The following CD300E variants were observed in gnomAD, a reference collection of about 807,000 sequenced individuals.
CD300E encodes the protein CMRF35-like molecule 2.
CD300E carries 14 observed loss-of-function variants against 20.9 expected under a neutral mutation model. The observed-to-expected ratio is 0.67, with a 90% CI of 0.44 to 1.05. CD300E has a LOEUF of 1.05. CD300E is among the 50% of genes least tolerant of loss of function. The pLI is 0.00. For synonymous variants in CD300E, 102 were observed against 103.7 expected, an observed-to-expected ratio of 0.98 and a Z score of 0.10; for missense variants, 237 against 253.9, an observed-to-expected ratio of 0.93 and a Z score of 0.45.
chr17:74,610,475 C>T lies in CD300E; in HGVS notation c.*2178G>A, dbSNP rs2030753096. 2.0e-5 allele frequency: 3 copies of T among 152,282 alleles called. No individual in the cohort carries two copies. Among genetic ancestry groups the T allele is most frequent in the Non-Finnish European group, 4.4e-5 (3 of 68,078 alleles). The allele number at this position is 152,282 out of a possible 1,614,324, so 9.4% of individuals were successfully genotyped here. A position where few individuals can be genotyped will look rare whatever the true frequency, so the allele number is the denominator to read the frequency against. ...CAAACACACAGAAAACTAAGCTCTG[C>T]ATCATCCAAGCCTGCTCTTGACTTT... is the stretch of plus-strand genomic sequence containing the variant. On this transcript the variant is annotated 3_prime_UTR_variant, in exon 4 of 4. Coordinates refer to ENST00000392619, the MANE Select transcript of CD300E (RefSeq NM_181449.3).
At chr17:74,618,414 G>A (rs1402386591) in intron 1 of CD300E, among the ~76,000 whole-genome samples, 1 of 152,160 alleles carries the variant, frequency 6.6e-6, no homozygotes, top group Non-Finnish European at 1.5e-5. Flanking sequence ...CCCCCTCAGA[G>A]TAACCTGAGT....
At position 74,623,689 on chromosome 17, in the gene CD300E, G is replaced by T. The variant is rs757854780; in HGVS notation, c.-68C>A. On this transcript the variant is annotated 5_prime_UTR_variant, in exon 1 of 4. Transcript: ENST00000392619. ...CAGCTGGAATCCAAGTATATGTAAC[G>T]GAGCCTGGGTCATCCACTTTCTACT... is the stretch of plus-strand genomic sequence containing the variant. 3.3e-6 allele frequency: 5 copies of T among 1,529,140 alleles called. No individual in the cohort carries two copies. Among genetic ancestry groups the T allele is most frequent in the African/African-American group, 1.4e-5 (1 of 73,180 alleles). 94.7% of individuals were successfully genotyped at this position (1,529,140 alleles called of 1,614,324 possible).
intron 1 of CD300E, among the ~76,000 whole-genome samples, chr17:74,621,416 G>T (rs2031019406): frequency 6.6e-6 from 1 of 152,142 alleles, no homozygotes; most frequent in African/African-American, 2.4e-5. Flanking sequence ...CTAATTCTGG[G>T]CACCTGAAGT....
Position 74,612,774 on chromosome 17 carries a change from C to G in CD300E, c.498-1G>C, listed in dbSNP as rs1351259836. On this transcript the variant is annotated splice_acceptor_variant, in intron 3 of 3. Coordinates refer to ENST00000392619, the MANE Select transcript of CD300E (RefSeq NM_181449.3). LOFTEE classifies it high-confidence loss of function. Reference sequence around the variant, plus strand: ...GAAGTGAGGGCTGCTGAGCCGGAACCTGTGGTGGACACGGTGAAAATGAGT... The same window carrying G: ...GAAGTGAGGGCTGCTGAGCCGGAACGTGTGGTGGACACGGTGAAAATGAGT... 1 of 1,613,662 alleles carries G rather than the reference C, an allele frequency of 6.2e-7. No individual in the cohort carries two copies. Among genetic ancestry groups the G allele is most frequent in the Non-Finnish European group, 8.5e-7 (1 of 1,179,938 alleles).
chr17:74,613,899 A>AT (rs1568033382), intron 3 of CD300E, 26 bp downstream of exon 3: 1 of 1,562,242 alleles, frequency 6.4e-7, no homozygotes. Flanking sequence ...TGCTCCCTCC[A>AT]TGGCCTCCAG....
Position 74,612,357 on chromosome 17 carries a change from C to A in CD300E, c.*296G>T. Reference sequence around the variant, plus strand: ...GATCCTCCTGCCTCAGCCTCCTGAGCTGGGATTATAGGCACTCGCTATGGT... The same window carrying A: ...GATCCTCCTGCCTCAGCCTCCTGAGATGGGATTATAGGCACTCGCTATGGT... On this transcript the variant is annotated 3_prime_UTR_variant, in exon 4 of 4. Transcript: ENST00000392619. 1 of 231,754 alleles carries A rather than the reference C, an allele frequency of 4.3e-6. No homozygotes were observed. The allele number at this position is 231,754 out of a possible 1,614,324, so 14.4% of individuals were successfully genotyped here. A position where few individuals can be genotyped will look rare whatever the true frequency, so the allele number is the denominator to read the frequency against.
chr17:74,610,126 A>T lies in CD300E; in HGVS notation c.*2527T>A, dbSNP rs990782696. ...AACTTCATTAGTGACCTTGTGAATGATAAGTTCAATAGCCTCCTCTCAATC... is the reference window on the plus strand; with the variant it reads ...AACTTCATTAGTGACCTTGTGAATGTTAAGTTCAATAGCCTCCTCTCAATC... On this transcript the variant is annotated 3_prime_UTR_variant, in exon 4 of 4. Transcript: ENST00000392619. 3.3e-5 allele frequency: 5 copies of T among 152,270 alleles called. No homozygotes were observed. Among genetic ancestry groups the T allele is most frequent in the Non-Finnish European group, 7.3e-5 (5 of 68,054 alleles). The allele number at this position is 152,270 out of a possible 1,614,324, so 9.4% of individuals were successfully genotyped here. A position where few individuals can be genotyped will look rare whatever the true frequency, so the allele number is the denominator to read the frequency against.
rs1255684630 is a variant in CD300E, at chr17:74,613,984, G to A, written c.438C>T (p.Phe146=). 1 of 1,614,094 alleles carries A rather than the reference G, an allele frequency of 6.2e-7. No individual in the cohort carries two copies. ...RTTHPATPPI[F]LVVNPGRNLS... is the part of the protein sequence containing the mutation. ...GGTTTCGCCCAGGGTTCACCACCAGGAAGATGGGAGGTGTGGCTGGATGTG... is the reference window on the plus strand; with the variant it reads ...GGTTTCGCCCAGGGTTCACCACCAGAAAGATGGGAGGTGTGGCTGGATGTG... Residue 146 remains phenylalanine (F), a synonymous_variant, in exon 3 of 4, where the codon TTC becomes TTT. Transcript: ENST00000392619.
intron 3 of CD300E, among the ~76,000 whole-genome samples, chr17:74,613,642 A>G (rs1389558414): frequency 6.6e-6 from 1 of 152,206 alleles, no homozygotes; most frequent in East Asian, 1.9e-4. Context: ...TGGATGGGGA[A>G]GGAGACAGGA....
chr17:74,614,056 ATCAGCCGTGCC>A (rs758019965), intron 2 of CD300E, 23 bp from the exon 3 acceptor site: 30 of 1,581,580 alleles, frequency 1.9e-5, no homozygotes, highest in Non-Finnish European at 2.5e-5. Context: ...AAAATGATGC[ATCAGCCGTGCC>A]TGGGCTCCCA....
Position 74,613,916 on chromosome 17 carries a change from C to T in CD300E, c.497+9G>A, listed in dbSNP as rs202175693. On this transcript the variant is annotated intron_variant, in intron 3 of 3. Coordinates refer to ENST00000392619, the MANE Select transcript of CD300E (RefSeq NM_181449.3). ...CTCCCTCCATGGCCTCCAGGCCCTG[C>T]GTGCTTACCCTGAATTTTGGGTCAA... 1.4e-5 allele frequency: 22 copies of T among 1,604,872 alleles called. No individual in the cohort carries two copies. The highest frequency in any genetic ancestry group is 1.1e-4 in the South Asian group (10 of 90,304).
In CD300E at chr17:74,612,382, TGCCCG is replaced by T. The variant is rs754826962; in HGVS notation, c.*266_*270del. 2.3e-5 allele frequency: 7 copies of T among 297,890 alleles called. No homozygotes were observed. The highest frequency in any genetic ancestry group is 3.8e-5 in the Non-Finnish European group (6 of 157,106). The allele number at this position is 297,890 out of a possible 1,614,324, so 18.5% of individuals were successfully genotyped here. ...CTGGGATTATAGGCACTCGCTATGG[TGCCCG>T]GCCAACTTCCAGGGAATTCTTGCCC... is the stretch of plus-strand genomic sequence containing the variant. On this transcript the variant is annotated 3_prime_UTR_variant, in exon 4 of 4. Transcript: ENST00000392619.
chr17:74,616,983 C>A, intron 2 of CD300E, 135 bp downstream of exon 2: 1 of 769,098 alleles, frequency 1.3e-6, no homozygotes, highest in Non-Finnish European at 2.2e-6. Flanking sequence ...CATGCCCATG[C>A]CATAGGCTCC....
chr17:74,612,997 C>G (rs2030818417), intron 3 of CD300E, among the ~76,000 whole-genome samples: 1 of 152,232 alleles, frequency 6.6e-6, no homozygotes, highest in Non-Finnish European at 1.5e-5. Context: ...GGAGTGAAGA[C>G]AGAAGAGGGA....
chr17:74,622,929 G>T (rs527383750), intron 1 of CD300E, among the ~76,000 whole-genome samples: 11 of 152,172 alleles, frequency 7.2e-5, no homozygotes, highest in African/African-American at 2.6e-4. Context: ...GTAGAGACAG[G>T]GTTTCACCAT....
At chr17:74,622,167 G>A (rs2031036800) in intron 1 of CD300E, among the ~76,000 whole-genome samples, 1 of 151,746 alleles carries the variant, frequency 6.6e-6, no homozygotes, top group Non-Finnish European at 1.5e-5. Context: ...CTCCCTGCTA[G>A]AATTGCCCTT....
Position 74,612,257 on chromosome 17 carries a change from C to CTG in CD300E, c.*395_*396insCA, listed in dbSNP as rs2030800124. 1.2e-4 allele frequency: 19 copies of CTG among 153,382 alleles called. No homozygotes were observed. Among genetic ancestry groups the CTG allele is most frequent in the South Asian group, 2.0e-4 (1 of 4,956 alleles). The allele number at this position is 153,382 out of a possible 1,614,324, so 9.5% of individuals were successfully genotyped here. A position where few individuals can be genotyped will look rare whatever the true frequency, so the allele number is the denominator to read the frequency against. ...TCTCTCTCTCTCTCTGTCTCTCTCT[C>CTG]TCTCTCTCTCTCTCTCTCTCTGAGA... On this transcript the variant is annotated 3_prime_UTR_variant, in exon 4 of 4. Coordinates refer to ENST00000392619, the MANE Select transcript of CD300E (RefSeq NM_181449.3).
chr17:74,617,080 A>T (rs2030916571), intron 2 of CD300E, 38 bp downstream of exon 2: 1 of 1,580,736 alleles, frequency 6.3e-7, no homozygotes, highest in South Asian at 1.1e-5. Flanking sequence ...GTCCAGTCGC[A>T]CCCCAAACCC....
chr17:74,612,874 C>A, intron 3 of CD300E, 101 bp from the exon 4 acceptor site: 1 of 1,497,202 alleles, frequency 6.7e-7, no homozygotes, highest in Non-Finnish European at 9.0e-7. Flanking sequence ...GCCCAAATAA[C>A]CCAGGAGCAG....
Sources: allele counts gnomAD v4.1 joint callset (sites outside exome capture counted in the v4.1 genomes callset), GRCh38; gene constraint gnomAD v4.1.1; transcripts MANE v1.5; gene names NCBI Gene and HGNC (gene_info 2026-07-23, HGNC 2026-07-21).